Variants in PTPRT observed in about 807,000 individuals in gnomAD.
The protein encoded by PTPRT is protein tyrosine phosphatase receptor type T, also known as receptor-type tyrosine-protein phosphatase T.
In PTPRT, 56 loss-of-function variants were observed where a neutral mutation model predicts 176.8. The ratio of observed to expected loss-of-function variants is 0.32; its 90% CI spans 0.26 to 0.40. The LOEUF (loss-of-function observed/expected upper bound fraction) is 0.40, where lower values mean the gene tolerates loss of function less well. Ranked by LOEUF, PTPRT falls within the 10% of genes least tolerant of loss-of-function variation. PTPRT has a pLI of 1.00. For synonymous variants in PTPRT, 783 were observed against 739.0 expected, an observed-to-expected ratio of 1.06 and a Z score of -0.96; for missense variants, 1,540 against 1,908.2, an observed-to-expected ratio of 0.81 and a Z score of 3.60.
chr20:42,567,878 T>C (rs575797050), intron 7 of PTPRT, among the ~76,000 whole-genome samples: 1 of 152,310 alleles, frequency 6.6e-6, no homozygotes, highest in South Asian at 2.1e-4. Flanking sequence ...TTAATTAGTA[T>C]TGATGAGGCA....
chr20:42,491,651 G>A (rs2071563047), intron 7 of PTPRT, among the ~76,000 whole-genome samples: 1 of 152,172 alleles, frequency 6.6e-6, no homozygotes, highest in South Asian at 2.1e-4. Context: ...GCAACAGCGT[G>A]CCATCTTGGA....
At chr20:43,040,246 A>G (rs1266142586) in intron 1 of PTPRT, among the ~76,000 whole-genome samples, 1 of 152,228 alleles carries the variant, frequency 6.6e-6, no homozygotes, top group Admixed American at 6.5e-5. Context: ...AAGAAGATAA[A>G]AAAGACTGAT....
At chr20:42,513,309 T>C (rs1360697301) in intron 7 of PTPRT, among the ~76,000 whole-genome samples, 1 of 152,030 alleles carries the variant, frequency 6.6e-6, no homozygotes, top group Non-Finnish European at 1.5e-5. Context: ...TTTTTCTTAA[T>C]TTTGTTAATT....
intron 7 of PTPRT, among the ~76,000 whole-genome samples, chr20:42,639,577 T>C (rs2074691003): frequency 6.6e-6 from 1 of 152,096 alleles, no homozygotes; most frequent in African/African-American, 2.4e-5. Context: ...TAGCACAGCC[T>C]ACAGCATTTC....
intron 1 of PTPRT, among the ~76,000 whole-genome samples, chr20:43,188,714 G>A (rs2015456126): frequency 7.7e-6 from 1 of 130,458 alleles, no homozygotes; most frequent in Non-Finnish European, 1.6e-5. Context: ...AAGTACACCT[G>A]CAGCACTCCC....
At chr20:42,981,673 A>T (rs1387879169) in intron 1 of PTPRT, among the ~76,000 whole-genome samples, 1 of 152,172 alleles carries the variant, frequency 6.6e-6, no homozygotes, top group African/African-American at 2.4e-5. Context: ...ACATGAGAGA[A>T]CCCAGCAGAA....
intron 1 of PTPRT, among the ~76,000 whole-genome samples, chr20:42,897,748 C>T (rs208210): frequency 0.02 from 3,065 of 152,188 alleles, 119 homozygotes; most frequent in African/African-American, 0.07. Context: ...AGTTATATGA[C>T]CTTGGCCAAC....
At chr20:42,634,579 G>A (rs2145909105) in intron 7 of PTPRT, among the ~76,000 whole-genome samples, 1 of 152,056 alleles carries the variant, frequency 6.6e-6, no homozygotes, top group Middle Eastern at 3.4e-3. Flanking sequence ...GAAGGTACAG[G>A]CATGCTAATT....
intron 13 of PTPRT, among the ~76,000 whole-genome samples, chr20:42,265,197 C>T (rs1483858748): frequency 6.6e-6 from 1 of 152,148 alleles, no homozygotes; most frequent in African/African-American, 2.4e-5. Context: ...CTGAACCATC[C>T]TGCCATGGTA....
chr20:42,707,356 A>G (rs2076076228), intron 6 of PTPRT, among the ~76,000 whole-genome samples: 1 of 152,162 alleles, frequency 6.6e-6, no homozygotes, highest in Non-Finnish European at 1.5e-5. Context: ...TAGCATTCCC[A>G]TGAGTAGGTT....
intron 7 of PTPRT, among the ~76,000 whole-genome samples, chr20:42,525,035 T>C (rs1352667938): frequency 1.3e-5 from 2 of 152,242 alleles, no homozygotes; most frequent in Admixed American, 1.3e-4. Context: ...CTCTGTTCCC[T>C]GGAGTGCAGT....
rs1600778309 is a variant in PTPRT, at chr20:42,814,643, C to G, written c.215-23177G>C. On this transcript the variant is annotated intron_variant, in intron 2 of 30. Transcript: ENST00000373187. ...TTTATTTTATAAAGGAAGCAAATGT[C>G]ATGACTGCCATCTTTAGTGCCATGT... Among the ~76,000 whole-genome samples the G allele has an allele frequency of 2.6e-5, 4 of 152,272 alleles. No homozygotes were observed. In the East Asian group the frequency reaches 7.7e-4, roughly 29 times the overall value.
At chr20:42,379,603 C>T (rs2058681068) in intron 9 of PTPRT, among the ~76,000 whole-genome samples, 1 of 152,242 alleles carries the variant, frequency 6.6e-6, no homozygotes, top group Admixed American at 6.5e-5. Context: ...CACATTCCTA[C>T]AAAGGAGTTA....
At chr20:42,171,545 G>C (rs764827658) in intron 16 of PTPRT, among the ~76,000 whole-genome samples, 5 of 152,050 alleles carry the variant, frequency 3.3e-5, no homozygotes, top group African/African-American at 1.2e-4. Flanking sequence ...CTTAATTGAA[G>C]AACACAATTT....
chr20:42,144,524 G>A (rs532550904), intron 17 of PTPRT, among the ~76,000 whole-genome samples: 13 of 152,184 alleles, frequency 8.5e-5, no homozygotes, highest in African/African-American at 3.1e-4. Flanking sequence ...CAACAAACAT[G>A]AGACAATTTA....
chr20:42,036,367 C>G, the PTPRT span, among the ~76,000 whole-genome samples: 1 of 152,160 alleles, frequency 6.6e-6, no homozygotes, highest in Non-Finnish European at 1.5e-5. Flanking sequence ...GTGTGCCAGC[C>G]ACACGTATAC....
the PTPRT span, among the ~76,000 whole-genome samples, chr20:42,048,743 C>T: frequency 1.3e-5 from 2 of 152,160 alleles, no homozygotes; most frequent in Admixed American, 6.5e-5. Flanking sequence ...AGTCATCTTC[C>T]CTCTGACCTG....
intron 7 of PTPRT, among the ~76,000 whole-genome samples, chr20:42,476,585 T>C: frequency 6.6e-6 from 1 of 152,186 alleles, no homozygotes; most frequent in East Asian, 1.9e-4. Context: ...GGGGAGATGA[T>C]TTTTCTACTG....
intron 1 of PTPRT, among the ~76,000 whole-genome samples, chr20:42,995,240 A>G (rs1984157179): frequency 6.6e-6 from 1 of 152,218 alleles, no homozygotes; most frequent in African/African-American, 2.4e-5. Flanking sequence ...GGAGCAGCTT[A>G]TCTGCGTGCT....
Sources: allele counts gnomAD v4.1 joint callset (sites outside exome capture counted in the v4.1 genomes callset), GRCh38; gene constraint gnomAD v4.1.1; transcripts MANE v1.5; gene names NCBI Gene and HGNC (gene_info 2026-07-23, HGNC 2026-07-21).